The following CFAP210 variants were observed in gnomAD, a reference collection of about 807,000 sequenced individuals.
CFAP210 encodes the protein cilia and flagella associated protein 210.
the CFAP210 span, among the ~76,000 whole-genome samples, chr2:169,687,926 G>A: frequency 6.6e-6 from 1 of 152,210 alleles, no homozygotes; most frequent in African/African-American, 2.4e-5. Flanking sequence ...AATCTAGGTG[G>A]AGGTTCCCAA....
At chr2:169,650,871 G>C in the CFAP210 span, among the ~76,000 whole-genome samples, 1 of 151,708 alleles carries the variant, frequency 6.6e-6, no homozygotes, top group Non-Finnish European at 1.5e-5. Context: ...GGCTGAGGTG[G>C]TAGGATCGCT....
the CFAP210 span, among the ~76,000 whole-genome samples, chr2:169,667,027 C>CAGTA: frequency 6.6e-6 from 1 of 152,146 alleles, no homozygotes; most frequent in Admixed American, 6.5e-5. Flanking sequence ...TTACTTTCTC[C>CAGTA]ACTGAAGTCT....
At chr2:169,646,050 C>T in the CFAP210 span, 1 of 1,613,854 alleles carries the variant, frequency 6.2e-7, no homozygotes, top group Non-Finnish European at 8.5e-7. Context: ...TTTGTTGTTT[C>T]CGATTCAAGT....
the CFAP210 span, among the ~76,000 whole-genome samples, chr2:169,679,724 C>T: frequency 4.8e-5 from 7 of 146,624 alleles, no homozygotes; most frequent in Admixed American, 3.4e-4. Flanking sequence ...TCTACTGTTA[C>T]CTTCTTTGTG....
the CFAP210 span, among the ~76,000 whole-genome samples, chr2:169,655,688 G>T: frequency 5.3e-5 from 8 of 152,126 alleles, no homozygotes; most frequent in African/African-American, 1.9e-4. Flanking sequence ...GCCAGTAAAT[G>T]GCAGAGTTAG....
At chr2:169,646,080 AGTC>A in the CFAP210 span, 1 of 1,613,910 alleles carries the variant, frequency 6.2e-7, no homozygotes, top group Admixed American at 1.7e-5. Context: ...TCTCTGGCAT[AGTC>A]CTGAAATTCT....
At chr2:169,681,437 T>C in the CFAP210 span, 1 of 583,172 alleles carries the variant, frequency 1.7e-6, no homozygotes, top group Non-Finnish European at 3.0e-6. Flanking sequence ...AGTCCTTGCT[T>C]AATCACTTCC....
At chr2:169,661,835 G>T in the CFAP210 span, among the ~76,000 whole-genome samples, 1 of 152,062 alleles carries the variant, frequency 6.6e-6, no homozygotes, top group East Asian at 1.9e-4. Flanking sequence ...TTAGGCATTT[G>T]CAGGCACAGA....
chr2:169,678,185 A>T, the CFAP210 span, among the ~76,000 whole-genome samples: 1 of 151,904 alleles, frequency 6.6e-6, no homozygotes, highest in Non-Finnish European at 1.5e-5. Context: ...TACTAAAAAT[A>T]CAAAATTAGC....
At chr2:169,673,559 T>C in the CFAP210 span, among the ~76,000 whole-genome samples, 61,987 of 152,058 alleles carry the variant, frequency 0.41, 12,924 homozygotes, top group Non-Finnish European at 0.44. Flanking sequence ...GATGTCTGTG[T>C]CATTTAGACA....
chr2:169,648,104 C>T, the CFAP210 span: 2 of 162,550 alleles, frequency 1.2e-5, no homozygotes, highest in Non-Finnish European at 2.5e-5. Context: ...TGCACTGAGC[C>T]GAGAGTGGGT....
chr2:169,675,587 A>G, the CFAP210 span, among the ~76,000 whole-genome samples: 1 of 152,272 alleles, frequency 6.6e-6, no homozygotes, highest in Admixed American at 6.5e-5. Context: ...ATGGTGCTAA[A>G]CCATTCATGA....
chr2:169,684,903 G>A, the CFAP210 span, among the ~76,000 whole-genome samples: 3 of 152,136 alleles, frequency 2.0e-5, no homozygotes, highest in East Asian at 5.8e-4. Flanking sequence ...TGATCCACCT[G>A]CCTTGGCCTC....
At chr2:169,678,138 C>T in the CFAP210 span, among the ~76,000 whole-genome samples, 2 of 150,980 alleles carry the variant, frequency 1.3e-5, no homozygotes, top group Non-Finnish European at 3.0e-5. Context: ...GTCGGGAGTT[C>T]GAGACCAGCC....
chr2:169,687,084 T>C, the CFAP210 span, among the ~76,000 whole-genome samples: 1 of 152,158 alleles, frequency 6.6e-6, no homozygotes, highest in South Asian at 2.1e-4. Flanking sequence ...TTCACTATTA[T>C]AAGAATGGCA....
chr2:169,694,224 A>T, the CFAP210 span: 4 of 1,605,078 alleles, frequency 2.5e-6, no homozygotes. Flanking sequence ...GGGGTCCAGA[A>T]ACAATCCCTG....
chr2:169,679,371 C>T, the CFAP210 span, among the ~76,000 whole-genome samples: 4,149 of 152,230 alleles, frequency 0.027, 79 homozygotes, highest in East Asian at 0.1. Context: ...TCCCACCCTC[C>T]TCCATCCTTA....
chr2:169,660,773 T>C, the CFAP210 span: 1 of 232,344 alleles, frequency 4.3e-6, no homozygotes, highest in African/African-American at 2.3e-5. Flanking sequence ...GGCTATTTTT[T>C]GTATTTTTTG....
At chr2:169,678,335 C>G in the CFAP210 span, among the ~76,000 whole-genome samples, 1 of 86,390 alleles carries the variant, frequency 1.2e-5, no homozygotes, top group African/African-American at 4.8e-5. Context: ...GAGCGAAACT[C>G]TGTTGCAAAA....
Sources: allele counts gnomAD v4.1 joint callset (sites outside exome capture counted in the v4.1 genomes callset), GRCh38; gene constraint gnomAD v4.1.1; transcripts MANE v1.5; gene names NCBI Gene and HGNC (gene_info 2026-07-23, HGNC 2026-07-21).